Variants in NOS1 observed in about 807,000 individuals in gnomAD.
NOS1 encodes the protein NOS type I.
In NOS1, 51 loss-of-function variants were observed where a neutral mutation model predicts 164.5. The ratio of observed to expected loss-of-function variants is 0.31; its 90% confidence interval spans 0.25 to 0.39. The LOEUF (loss-of-function observed/expected upper bound fraction) is 0.39. Among genes scored for constraint, NOS1 ranks in the 10% least tolerant of loss-of-function variants. The pLI is 1.00. For synonymous variants in NOS1, 719 were observed against 745.8 expected (o/e 0.96, Z 0.59); for missense variants, 1,362 against 1,885.6 (o/e 0.72, Z 5.14).
At chr12:117,279,233 C>T (rs1010532960) in intron 8 of NOS1, among the ~76,000 whole-genome samples, 8 of 151,872 alleles carry the variant, frequency 5.3e-5, no homozygotes, top group South Asian at 2.1e-4. Flanking sequence ...AAAAATTAGC[C>T]GGGCGTGGTG....
intron 2 of NOS1, among the ~76,000 whole-genome samples, chr12:117,327,617 A>G (rs967350120): frequency 3.3e-5 from 5 of 151,902 alleles, no homozygotes; most frequent in Admixed American, 6.6e-5. Flanking sequence ...CTGGCTACCC[A>G]CTCTGGAAAT....
At chr12:117,277,452 G>A (rs903525734) in intron 9 of NOS1, among the ~76,000 whole-genome samples, 9 of 151,874 alleles carry the variant, frequency 5.9e-5, no homozygotes, top group Non-Finnish European at 1.3e-4. Context: ...AAGCATGGTG[G>A]TGTGTGGCTG....
chr12:117,256,047 A>C (rs1278511414), intron 16 of NOS1: 1 of 1,371,550 alleles, frequency 7.3e-7, no homozygotes, highest in East Asian at 2.8e-5. Context: ...CCTAGAGGGG[A>C]GAATCGATGG....
At chr12:117,334,604 A>G (rs1453055962) in intron 1 of NOS1, among the ~76,000 whole-genome samples, 3 of 152,150 alleles carry the variant, frequency 2.0e-5, no homozygotes, top group South Asian at 2.1e-4. Context: ...CATGTTGGAC[A>G]GGCTGGTCTC....
intron 28 of NOS1, among the ~76,000 whole-genome samples, chr12:117,216,551 C>T (rs1956614631): frequency 6.6e-6 from 1 of 151,612 alleles, no homozygotes; most frequent in Non-Finnish European, 1.5e-5. Context: ...CATCATGGCT[C>T]ACTGCAGTCT....
intron 16 of NOS1, among the ~76,000 whole-genome samples, chr12:117,256,275 G>A (rs2135972704): frequency 9.5e-6 from 1 of 104,828 alleles, no homozygotes; most frequent in South Asian, 2.8e-4. Flanking sequence ...AAATCAGAAG[G>A]GATTTTCTGT....
At chr12:117,309,072 C>G (rs1241566759) in intron 3 of NOS1, among the ~76,000 whole-genome samples, 1 of 152,132 alleles carries the variant, frequency 6.6e-6, no homozygotes, top group Non-Finnish European at 1.5e-5. Context: ...GTCTTTCTTT[C>G]TCTTGTGAGG....
At chr12:117,252,847 G>A (rs1329243923) in intron 17 of NOS1, among the ~76,000 whole-genome samples, 1 of 152,194 alleles carries the variant, frequency 6.6e-6, no homozygotes, top group Non-Finnish European at 1.5e-5. Context: ...CTCAGTTAGC[G>A]AAGGTCTGAG....
chr12:117,327,327 C>T (rs990147262), intron 2 of NOS1, among the ~76,000 whole-genome samples: 5 of 152,108 alleles, frequency 3.3e-5, no homozygotes, highest in African/African-American at 7.2e-5. Flanking sequence ...GGCAGCCTTT[C>T]GGGAGGGACA....
intron 2 of NOS1, among the ~76,000 whole-genome samples, chr12:117,317,682 C>T (rs1477391215): frequency 6.6e-6 from 1 of 152,006 alleles, no homozygotes; most frequent in Non-Finnish European, 1.5e-5. Flanking sequence ...TCCCTTGTTC[C>T]CAGATGTAAT....
At chr12:117,309,266 A>G in intron 3 of NOS1, 1 of 820,266 alleles carries the variant, frequency 1.2e-6, no homozygotes, top group Non-Finnish European at 1.5e-6. Flanking sequence ...ACATTTCCAG[A>G]TATCACTGCT....
intron 16 of NOS1, 21 bp from the exon 17 acceptor site, chr12:117,253,775 C>T (rs749346101): frequency 2.6e-6 from 4 of 1,559,660 alleles, no homozygotes; most frequent in South Asian, 1.1e-5. Context: ...CAAAGAGAAC[C>T]TGTGAGCTCT....
In NOS1 at chr12:117,288,195, A is replaced by C. The variant is rs757474988; in HGVS notation, c.1006T>G (p.Cys336Gly). ...GAAGGATGCATGATGGAGCCCATGC[A>C]GATGTACTCAGTGCATCCCGTTTCC... The part of the protein sequence containing the change: ...TLETGCTEYI[C>G]MGSIMHPSQH... The change falls in exon 5 of 29, where the codon TGC becomes GGC. Residue 336 changes from cysteine (C) to glycine (G), a missense_variant. Physicochemically the swap from Cys to Gly is radical, Grantham distance 159 (BLOSUM62 -3). Transcript: ENST00000317775. The C allele has an allele frequency of 6.2e-7, 1 of 1,613,596 alleles. No individual in the cohort carries two copies.
At chr12:117,227,765 G>A (rs1868831632) in intron 22 of NOS1, 124 bp from the exon 23 acceptor site, 1 of 854,502 alleles carries the variant, frequency 1.2e-6, no homozygotes, top group Admixed American at 2.0e-5. Flanking sequence ...AGTGGCTCAT[G>A]CTTGTAATTG....
chr12:117,353,775 G>GTT (rs61536991), intron 1 of NOS1, among the ~76,000 whole-genome samples: 7 of 151,786 alleles, frequency 4.6e-5, no homozygotes, highest in Non-Finnish European at 1.0e-4. Context: ...ACACCATATT[G>GTT]TTTTTTTAAA....
At chr12:117,309,514 C>T in intron 3 of NOS1, 1 of 344,340 alleles carries the variant, frequency 2.9e-6, no homozygotes, top group Non-Finnish European at 4.1e-6. Flanking sequence ...TCATCACTTG[C>T]TGAGTCACCT....
chr12:117,350,413 G>C (rs1231604124), intron 1 of NOS1, among the ~76,000 whole-genome samples: 1 of 152,078 alleles, frequency 6.6e-6, no homozygotes, highest in African/African-American at 2.4e-5. Flanking sequence ...CAATTAACTG[G>C]GTGCTTTATT....
At chr12:117,285,181 A>T in intron 7 of NOS1, 60 bp downstream of exon 7, 1 of 1,149,330 alleles carries the variant, frequency 8.7e-7, no homozygotes. Context: ...CCAGAGTCAA[A>T]GTACAATGCT....
At chr12:117,340,346 G>T (rs549059785) in intron 1 of NOS1, among the ~76,000 whole-genome samples, 3 of 152,124 alleles carry the variant, frequency 2.0e-5, no homozygotes, top group African/African-American at 7.2e-5. Context: ...TCAATTTTAA[G>T]AAAAGAGTAA....
Sources: allele counts gnomAD v4.1 joint callset (sites outside exome capture counted in the v4.1 genomes callset), GRCh38; gene constraint gnomAD v4.1.1; transcripts MANE v1.5; gene names NCBI Gene and HGNC (gene_info 2026-07-23, HGNC 2026-07-21).